Variants in FMN1 observed in about 807,000 individuals in gnomAD.
FMN1 encodes formin 1.
Under a neutral mutation model 132.4 loss-of-function variants are expected in FMN1, and 110 were observed. The ratio of observed to expected loss-of-function variants is 0.83; its 90% CI spans 0.71 to 0.97. The LOEUF (loss-of-function observed/expected upper bound fraction) is 0.97. Among genes scored for constraint, FMN1 ranks in the 50% least tolerant of loss-of-function variants. The pLI, the probability that FMN1 is intolerant of heterozygous loss-of-function variation, is 0.00. For missense variants in FMN1, 1,792 were observed against 1,705.3 expected (o/e 1.05, Z -0.90); for synonymous variants, 722 against 651.7 (o/e 1.11, Z -1.64).
chr15:32,899,513 A>G (rs910768993), intron 14 of FMN1, among the ~76,000 whole-genome samples: 3 of 152,200 alleles, frequency 2.0e-5, no homozygotes, highest in African/African-American at 7.2e-5. Flanking sequence ...AGGGGTGTGG[A>G]GCCAAGTGAT....
chr15:32,951,885 C>T (rs1346151468), intron 9 of FMN1, among the ~76,000 whole-genome samples: 1 of 152,168 alleles, frequency 6.6e-6, no homozygotes, highest in African/African-American at 2.4e-5. Flanking sequence ...CATACTTAGT[C>T]TAGTGGTGAC....
At chr15:33,172,220 A>G (rs1965354975) in intron 3 of FMN1, among the ~76,000 whole-genome samples, 1 of 149,320 alleles carries the variant, frequency 6.7e-6, no homozygotes, top group Admixed American at 6.6e-5. Flanking sequence ...AAAAAAAAAA[A>G]GAAAAGAAAG....
At chr15:33,050,772 A>G (rs1358497111) in intron 6 of FMN1, among the ~76,000 whole-genome samples, 1 of 152,260 alleles carries the variant, frequency 6.6e-6, no homozygotes, top group Non-Finnish European at 1.5e-5. Context: ...ATTTAATGAC[A>G]GCATTATTTG....
intron 12 of FMN1, among the ~76,000 whole-genome samples, chr15:32,907,064 G>A (rs1288439329): frequency 1.1e-4 from 17 of 152,204 alleles, no homozygotes; most frequent in Admixed American, 1.1e-3. Flanking sequence ...TAGAGCAGCT[G>A]TGCCCAACCT....
intron 17 of FMN1, among the ~76,000 whole-genome samples, chr15:32,812,244 C>G (rs76404973): frequency 6.6e-6 from 1 of 152,082 alleles, no homozygotes; most frequent in Non-Finnish European, 1.5e-5. Context: ...TAGGGCAGTA[C>G]GACTTAATTC....
intron 19 of FMN1, among the ~76,000 whole-genome samples, chr15:32,796,695 C>G (rs1394884244): frequency 6.6e-6 from 1 of 152,174 alleles, no homozygotes; most frequent in African/African-American, 2.4e-5. Context: ...AAATCTTTAG[C>G]AGACAGAGAA....
chr15:33,109,000 C>A (rs140638455), intron 4 of FMN1, among the ~76,000 whole-genome samples: 2 of 152,036 alleles, frequency 1.3e-5, no homozygotes, highest in Non-Finnish European at 2.9e-5. Flanking sequence ...CTAAAAATGT[C>A]CCCATGCCTA....
intron 17 of FMN1, among the ~76,000 whole-genome samples, chr15:32,848,977 G>GTTCTT: frequency 1.1e-5 from 1 of 89,550 alleles, no homozygotes; most frequent in Non-Finnish European, 2.1e-5. Context: ...GTTCTCTTTT[G>GTTCTT]TTTTTTTTTT....
In FMN1 at chr15:33,154,403, G is replaced by A; in HGVS notation, c.512C>T (p.Ala171Val). The change falls in exon 4 of 21, where the codon GCC becomes GTC. Residue 171 changes from alanine (A) to valine (V), a missense_variant. By Grantham distance (64) the Ala-to-Val change is moderately conservative (BLOSUM62 0). Transcript: ENST00000616417. ...TCTTTTGGTCCTCTTCTGTGGAAGGGCCCCAAAGCTCTCTCTCCTTCCACT... is the reference window on the plus strand; with the variant it reads ...TCTTTTGGTCCTCTTCTGTGGAAGGACCCCAAAGCTCTCTCTCCTTCCACT... The part of the protein sequence containing the change: ...RSSGRRESFG[A>V]LPQKRTKRKG... 6.5e-7 allele frequency: 1 copy of A among 1,536,042 alleles called. No homozygotes were observed. Among genetic ancestry groups the A allele is most frequent in the Non-Finnish European group, 8.7e-7 (1 of 1,146,900 alleles).
At position 33,153,419 on chromosome 15, in the gene FMN1, G is replaced by A; in HGVS notation, c.1496C>T (p.Ala499Val). The A allele has an allele frequency of 6.5e-7, 1 of 1,536,826 alleles. No homozygotes were observed. Among genetic ancestry groups the A allele is most frequent in the South Asian group, 1.2e-5 (1 of 84,064 alleles). ...KKKPSPPAPA[A>V]LGKVFNNSAS... ...TGAATTATTAAACACCTTGCCAAGAGCTGCCGGTGCTGGTGGGGATGGCTT... is the reference window on the plus strand; with the variant it reads ...TGAATTATTAAACACCTTGCCAAGAACTGCCGGTGCTGGTGGGGATGGCTT... The change falls in exon 4 of 21, where the codon GCT (alanine) becomes GTT (valine). Residue 499 changes from alanine (A) to valine (V), a missense_variant. Coordinates refer to ENST00000616417, the MANE Select transcript of FMN1 (RefSeq NM_001277313.2).
At chr15:33,059,875 T>C (rs1268406292) in intron 6 of FMN1, among the ~76,000 whole-genome samples, 2 of 152,244 alleles carry the variant, frequency 1.3e-5, no homozygotes, top group African/African-American at 2.4e-5. Flanking sequence ...TTGAACACAA[T>C]ATGTGATTCT....
At chr15:32,781,518 G>A (rs1479652014) in intron 19 of FMN1, among the ~76,000 whole-genome samples, 5 of 152,192 alleles carry the variant, frequency 3.3e-5, no homozygotes, top group African/African-American at 1.2e-4. Context: ...GCTATGCTAT[G>A]TTCTGATAGA....
chr15:32,908,602 C>G, intron 11 of FMN1, 24 bp from the exon 12 acceptor site: 1 of 679,786 alleles, frequency 1.5e-6, no homozygotes. Context: ...GAAAACAAAA[C>G]CAAAAAAAAA....
At position 32,969,474 on chromosome 15, in the gene FMN1, G is replaced by A. The variant is rs1180995086; in HGVS notation, c.2227C>T (p.Gln743Ter). 6.2e-7 allele frequency: 1 copy of A among 1,612,552 alleles called. No homozygotes were observed. Among genetic ancestry groups the A allele is most frequent in the African/African-American group, 1.3e-5 (1 of 74,804 alleles). The change falls in exon 8 of 21, where the codon CAG becomes TAG. Residue 743 changes from glutamine (Q) to a stop codon, truncating the protein, a stop_gained. Coordinates refer to ENST00000616417, the MANE Select transcript of FMN1 (RefSeq NM_001277313.2). LOFTEE classifies it high-confidence loss of function. ...ATATGAAATGCCCGAAGTTCAAACT[G>A]TGCCTATAGGAAAATTCAGAGGGAA... Reference protein sequence around the residue: ...HKEEIENLQAQFELRAFHIRG... With the variant: ...HKEEIENLQA
intron 16 of FMN1, among the ~76,000 whole-genome samples, chr15:32,858,680 ACTTAT>A (rs1330059191): frequency 2.0e-5 from 3 of 152,236 alleles, no homozygotes; most frequent in African/African-American, 7.2e-5. Flanking sequence ...TTTTTAAATG[ACTTAT>A]CTTATTGAAA....
chr15:32,912,728 A>C (rs1281463013), intron 10 of FMN1, among the ~76,000 whole-genome samples: 2 of 152,108 alleles, frequency 1.3e-5, no homozygotes, highest in East Asian at 3.9e-4. Context: ...GAAGGAACAC[A>C]TTCAAGGTAT....
intron 17 of FMN1, among the ~76,000 whole-genome samples, chr15:32,839,725 T>C (rs1248506134): frequency 6.6e-6 from 1 of 151,530 alleles, no homozygotes; most frequent in Non-Finnish European, 1.5e-5. Flanking sequence ...AAGATTCTCT[T>C]GAGAACCGAT....
intron 9 of FMN1, among the ~76,000 whole-genome samples, chr15:32,926,978 G>T (rs574599167): frequency 6.6e-6 from 1 of 152,122 alleles, no homozygotes; most frequent in East Asian, 1.9e-4. Context: ...TAGAGACAAG[G>T]TCTCCATAAA....
At chr15:33,016,592 T>C (rs1742695331) in intron 6 of FMN1, among the ~76,000 whole-genome samples, 1 of 152,198 alleles carries the variant, frequency 6.6e-6, no homozygotes, top group African/African-American at 2.4e-5. Context: ...AGCAGAGCTT[T>C]TTAACTGGGT....
Sources: gnomAD v4.1 joint callset for allele counts (sites outside exome capture counted in the v4.1 genomes callset) on GRCh38, gnomAD v4.1.1 for gene constraint, MANE v1.5 for transcripts, NCBI Gene and HGNC (gene_info 2026-07-23, HGNC 2026-07-21) for gene names.